The following TMOD1 variants were observed in gnomAD, a reference collection of about 807,000 sequenced individuals.
TMOD1 encodes tropomodulin 1.
In TMOD1, 17 loss-of-function variants were observed where a neutral mutation model predicts 40.6. The observed-to-expected ratio is 0.42, with a 90% CI of 0.29 to 0.63. The LOEUF (loss-of-function observed/expected upper bound fraction) is 0.63, where lower values mean the gene tolerates loss of function less well. Among genes scored for constraint, TMOD1 ranks in the 20% least tolerant of loss-of-function variants. The pLI, the probability that TMOD1 is intolerant of heterozygous loss-of-function variation, is 0.22. For synonymous variants in TMOD1, 181 were observed against 175.0 expected (o/e 1.03, Z -0.27); for missense variants, 391 against 447.6 (o/e 0.87, Z 1.14).
rs78825290 is a variant in TMOD1, at chr9:97,591,347, C to A, written c.927C>A (p.Asn309Lys). 1 of 1,614,132 alleles carries A rather than the reference C, an allele frequency of 6.2e-7. No individual in the cohort carries two copies. ...EMEIVSMLEK[N>K]ATLLKFGYHF... ...AGATTGTGAGCATGTTGGAAAAAAA[C>A]GCAACACTTCTCAAATTCGGCTACC... Residue 309 changes from asparagine to lysine, a missense_variant, in exon 9 of 10, where the codon AAC becomes AAA. Physicochemically the swap from Asn to Lys is moderately conservative, Grantham distance 94 (BLOSUM62 0). Coordinates refer to ENST00000259365, the MANE Select transcript of TMOD1 (RefSeq NM_003275.4).
intron 3 of TMOD1, among the ~76,000 whole-genome samples, chr9:97,553,043 G>T (rs1830477056): frequency 6.6e-6 from 1 of 152,106 alleles, no homozygotes; most frequent in Non-Finnish European, 1.5e-5. Flanking sequence ...GCTTTTGATA[G>T]AGGGTAGTCA....
At chr9:97,597,036 T>C (rs1049085680) in intron 9 of TMOD1, among the ~76,000 whole-genome samples, 5 of 152,256 alleles carry the variant, frequency 3.3e-5, no homozygotes, top group Non-Finnish European at 5.9e-5. Context: ...AATATTTAAA[T>C]GAATAGAAAG....
chr9:97,511,085 GACACACACACACAC>G (rs57982813), intron 1 of TMOD1, among the ~76,000 whole-genome samples: 1 of 144,318 alleles, frequency 6.9e-6, no homozygotes, highest in Non-Finnish European at 1.6e-5. Context: ...CACACACACA[GACACACACACACAC>G]ACACACACAC....
At chr9:97,543,834 A>G (rs1288012901) in intron 2 of TMOD1, among the ~76,000 whole-genome samples, 1 of 152,264 alleles carries the variant, frequency 6.6e-6, no homozygotes, top group Non-Finnish European at 1.5e-5. Flanking sequence ...AACCTGGGAC[A>G]TGCCCACAGA....
At chr9:97,561,441 C>A (rs1205188207) in intron 4 of TMOD1, among the ~76,000 whole-genome samples, 1 of 152,156 alleles carries the variant, frequency 6.6e-6, no homozygotes, top group Non-Finnish European at 1.5e-5. Flanking sequence ...TGAGCTCCAC[C>A]CCCAGATATT....
At chr9:97,529,759 G>A (rs1034427485) in intron 2 of TMOD1, among the ~76,000 whole-genome samples, 9 of 152,330 alleles carry the variant, frequency 5.9e-5, no homozygotes, top group African/African-American at 2.2e-4. Flanking sequence ...GATTGCCTTT[G>A]TACCAGGCAG....
intron 1 of TMOD1, among the ~76,000 whole-genome samples, chr9:97,515,179 G>T (rs1829783544): frequency 7.6e-6 from 1 of 131,626 alleles, no homozygotes; most frequent in African/African-American, 2.9e-5. Flanking sequence ...TCTACCAAAA[G>T]TTTGTAAACT....
chr9:97,578,952 C>T (rs370486186), intron 8 of TMOD1, among the ~76,000 whole-genome samples: 24 of 152,260 alleles, frequency 1.6e-4, no homozygotes, highest in African/African-American at 5.8e-4. Context: ...GGAGGAGCTG[C>T]CAGTTCCTTC....
intron 8 of TMOD1, among the ~76,000 whole-genome samples, chr9:97,577,264 G>A (rs530875545): frequency 1.3e-3 from 193 of 149,588 alleles, no homozygotes; most frequent in African/African-American, 4.7e-3. Context: ...CACTTCTAAT[G>A]GTCAGAGGCA....
At chr9:97,507,752 T>C (rs1254778583) in intron 1 of TMOD1, among the ~76,000 whole-genome samples, 1 of 152,020 alleles carries the variant, frequency 6.6e-6, no homozygotes, top group Non-Finnish European at 1.5e-5. Context: ...CTGAGATGAC[T>C]CATGGCAGCC....
chr9:97,541,638 C>T (rs552577044), intron 2 of TMOD1, among the ~76,000 whole-genome samples: 1 of 151,618 alleles, frequency 6.6e-6, no homozygotes, highest in South Asian at 2.1e-4. Flanking sequence ...GTCTCAGCCT[C>T]CTGAGTAGCT....
chr9:97,512,330 T>C (rs1220784117), intron 1 of TMOD1, among the ~76,000 whole-genome samples: 1 of 152,184 alleles, frequency 6.6e-6, no homozygotes, highest in Admixed American at 6.5e-5. Context: ...AAATGTAAAA[T>C]TGTAAAATTA....
intron 5 of TMOD1, 40 bp from the exon 6 acceptor site, chr9:97,563,998 T>A: frequency 6.4e-7 from 1 of 1,558,114 alleles, no homozygotes; most frequent in South Asian, 1.1e-5. Context: ...AGTGAGCCCC[T>A]TGTTTCTGTG....
At chr9:97,572,575 C>T (rs1830837640) in intron 8 of TMOD1, among the ~76,000 whole-genome samples, 1 of 152,072 alleles carries the variant, frequency 6.6e-6, no homozygotes, top group Non-Finnish European at 1.5e-5. Context: ...GCCTCCCCTT[C>T]AGGTGCCCCA....
At chr9:97,518,564 G>A (rs1829863557) in intron 1 of TMOD1, among the ~76,000 whole-genome samples, 1 of 152,326 alleles carries the variant, frequency 6.6e-6, no homozygotes, top group South Asian at 2.1e-4. Context: ...TTTGTCTTGG[G>A]CCACCTTGGG....
At chr9:97,555,827 C>T (rs879412714) in intron 4 of TMOD1, 10 of 877,588 alleles carry the variant, frequency 1.1e-5, no homozygotes, top group Non-Finnish European at 1.7e-5. Context: ...GGTTAAATGC[C>T]TTGCCCAAAG....
chr9:97,539,399 C>T (rs567467311), intron 2 of TMOD1, among the ~76,000 whole-genome samples: 2 of 152,246 alleles, frequency 1.3e-5, no homozygotes, highest in South Asian at 4.1e-4. Flanking sequence ...TTTTCAGGTT[C>T]ATTTAACTTC....
intron 1 of TMOD1, among the ~76,000 whole-genome samples, chr9:97,521,091 A>C (rs1456417404): frequency 6.6e-6 from 1 of 152,188 alleles, no homozygotes; most frequent in Non-Finnish European, 1.5e-5. Context: ...AGTGTTTCCC[A>C]GCTGGTCCTG....
intron 1 of TMOD1, among the ~76,000 whole-genome samples, chr9:97,523,283 C>T: frequency 6.6e-6 from 1 of 152,184 alleles, no homozygotes. Flanking sequence ...CAGTAGGCTT[C>T]TCCAGCAAGA....
Sources: gnomAD v4.1 joint callset for allele counts (sites outside exome capture counted in the v4.1 genomes callset) on GRCh38, gnomAD v4.1.1 for gene constraint, MANE v1.5 for transcripts, NCBI Gene and HGNC (gene_info 2026-07-23, HGNC 2026-07-21) for gene names.